The following BLOC1S5 variants were observed in gnomAD, a reference collection of about 807,000 sequenced individuals.
BLOC1S5 encodes the protein biogenesis of lysosomal organelles complex 1 subunit 5.
A neutral mutation model predicts 24.3 loss-of-function variants in BLOC1S5; 27 were observed. The observed-to-expected ratio is 1.11, with a 90% confidence interval of 0.82 to 1.53. The LOEUF is 1.53. BLOC1S5 is among the 40% of genes most tolerant of loss of function. The pLI is 0.00. For synonymous variants in BLOC1S5, 84 were observed against 74.5 expected (o/e 1.13, Z -0.66); for missense variants, 239 against 229.4 (o/e 1.04, Z -0.27).
At chr6:8,059,907 G>GT (rs1764456178) in intron 2 of BLOC1S5, among the ~76,000 whole-genome samples, 1 of 152,184 alleles carries the variant, frequency 6.6e-6, no homozygotes, top group Non-Finnish European at 1.5e-5. Context: ...TCAAAGCACC[G>GT]TAAGAACGAA....
At chr6:8,035,167 A>G (rs1051642888) in intron 3 of BLOC1S5, among the ~76,000 whole-genome samples, 2 of 152,066 alleles carry the variant, frequency 1.3e-5, no homozygotes, top group Non-Finnish European at 2.9e-5. Context: ...CATAATAATA[A>G]TACAGTGAAC....
chr6:8,058,916 A>G (rs955816056), intron 2 of BLOC1S5, among the ~76,000 whole-genome samples: 5 of 152,246 alleles, frequency 3.3e-5, no homozygotes, highest in African/African-American at 1.2e-4. Context: ...ACTGATATAC[A>G]TAGGTATTCA....
intron 2 of BLOC1S5, among the ~76,000 whole-genome samples, chr6:8,050,132 T>C (rs1305394322): frequency 1.3e-5 from 2 of 152,358 alleles, no homozygotes; most frequent in African/African-American, 4.8e-5. Flanking sequence ...ATTGGTGCCA[T>C]ATTTCCATCA....
In BLOC1S5 at chr6:8,022,583, TTTTTTTTTC is replaced by T. The variant is rs1489324007; in HGVS notation, c.384+3775_384+3783del. Among the ~76,000 whole-genome samples, 15 of 125,180 alleles carry T rather than the reference TTTTTTTTTC, an allele frequency of 1.2e-4. 2 individuals carry two copies. The East Asian group carries it at 1.9e-3, about 16-fold the overall frequency. The allele number at this position is 125,180 out of a possible 152,430, so 82.1% of individuals were successfully genotyped here. On this transcript the variant is annotated intron_variant, in intron 4 of 4. Transcript: ENST00000397457. ...TTCAAACTCTATTTTTTTTTTCTTTTTTTTTTTTCTTTTTTTTTTGAGACGGAGTCTCGC... is the reference window on the plus strand; with the variant it reads ...TTCAAACTCTATTTTTTTTTTCTTTTTTTTTTTTTTGAGACGGAGTCTCGC...
intron 3 of BLOC1S5, among the ~76,000 whole-genome samples, chr6:8,033,174 A>T (rs1252625317): frequency 6.6e-6 from 1 of 152,200 alleles, no homozygotes; most frequent in Non-Finnish European, 1.5e-5. Context: ...TGCCAAGACA[A>T]TCCTAAGCAA....
intron 3 of BLOC1S5, among the ~76,000 whole-genome samples, chr6:8,038,275 AATAT>A (rs1387554651): frequency 1.3e-5 from 2 of 152,210 alleles, no homozygotes; most frequent in Non-Finnish European, 2.9e-5. Flanking sequence ...TAATAACCAG[AATAT>A]ATAAGGAGCT....
At chr6:8,034,645 T>C (rs1258730100) in intron 3 of BLOC1S5, among the ~76,000 whole-genome samples, 1 of 152,026 alleles carries the variant, frequency 6.6e-6, no homozygotes, top group East Asian at 1.9e-4. Context: ...AAAGAATTGA[T>C]GTTGGTGTGG....
At chr6:8,023,121 C>T (rs114609920) in intron 4 of BLOC1S5, among the ~76,000 whole-genome samples, 99 of 152,214 alleles carry the variant, frequency 6.5e-4, no homozygotes, top group African/African-American at 2.3e-3. Context: ...TCATCTCCAC[C>T]GGTGGCATAT....
intron 4 of BLOC1S5, among the ~76,000 whole-genome samples, chr6:8,024,984 C>T (rs1326454910): frequency 6.6e-6 from 1 of 152,192 alleles, no homozygotes; most frequent in Non-Finnish European, 1.5e-5. Flanking sequence ...TCCTACTATA[C>T]ACAGGGCTAA....
At chr6:8,046,050 T>C (rs1763884211) in intron 2 of BLOC1S5, among the ~76,000 whole-genome samples, 1 of 152,138 alleles carries the variant, frequency 6.6e-6, no homozygotes, top group Non-Finnish European at 1.5e-5. Context: ...CACCCAAATC[T>C]CAACTTGAAT....
chr6:8,027,607 G>A (rs935606977), intron 3 of BLOC1S5, among the ~76,000 whole-genome samples: 3 of 152,194 alleles, frequency 2.0e-5, no homozygotes, highest in African/African-American at 7.2e-5. Flanking sequence ...GCCGTGGCGG[G>A]CAGATCACCT....
At chr6:8,044,682 T>C (rs1377388113) in intron 2 of BLOC1S5, among the ~76,000 whole-genome samples, 3 of 152,200 alleles carry the variant, frequency 2.0e-5, no homozygotes, top group Admixed American at 1.3e-4. Flanking sequence ...AGGAACTTGT[T>C]GGGAACTGGA....
intron 3 of BLOC1S5, among the ~76,000 whole-genome samples, chr6:8,040,671 C>G (rs1763646536): frequency 6.6e-6 from 1 of 152,146 alleles, no homozygotes; most frequent in African/African-American, 2.4e-5. Context: ...CCTTGGCCAA[C>G]ATGGTGAAAC....
intron 4 of BLOC1S5, 100 bp from the exon 5 acceptor site, chr6:8,015,928 T>C: frequency 9.1e-7 from 1 of 1,097,498 alleles, no homozygotes; most frequent in Non-Finnish European, 1.3e-6. Flanking sequence ...AGCTGGTAAG[T>C]CACAAGGAAA....
At chr6:8,054,630 C>A (rs536957907) in intron 2 of BLOC1S5, among the ~76,000 whole-genome samples, 1 of 152,212 alleles carries the variant, frequency 6.6e-6, no homozygotes, top group African/African-American at 2.4e-5. Context: ...TTAACAACTG[C>A]GTTTTCTTGC....
At chr6:8,022,592 C>CTTTTTTTTTTT (rs58841716) in intron 4 of BLOC1S5, among the ~76,000 whole-genome samples, 1 of 92,152 alleles carries the variant, frequency 1.1e-5, no homozygotes, top group Non-Finnish European at 2.0e-5. Context: ...TTTTTTTTTT[C>CTTTTTTTTTTT]TTTTTTTTTT....
intron 2 of BLOC1S5, among the ~76,000 whole-genome samples, chr6:8,045,825 T>C (rs533780745): frequency 6.6e-6 from 1 of 152,346 alleles, no homozygotes; most frequent in Non-Finnish European, 1.5e-5. Flanking sequence ...CCATTGTATC[T>C]AGGAAGTAAC....
chr6:8,059,880 A>G lies in BLOC1S5; in HGVS notation c.195+2654T>C, dbSNP rs183364628. Among the ~76,000 whole-genome samples the G allele has an allele frequency of 7.9e-5, 12 of 152,370 alleles. No individual in the cohort carries two copies. The East Asian group carries it at 1.3e-3, about 17-fold the overall frequency. On this transcript the variant is annotated intron_variant, in intron 2 of 4. Transcript: ENST00000397457. ...TGAGCCCTTCAGAGACCATTCTTCA[A>G]TAATAAAGACCATTCTTCAAAGCAC...
At chr6:8,054,307 C>T in intron 2 of BLOC1S5, 1 of 448,478 alleles carries the variant, frequency 2.2e-6, no homozygotes, top group Non-Finnish European at 4.5e-6. Flanking sequence ...ACTACATCTT[C>T]ACCGTCAGAA....
Sources: allele counts gnomAD v4.1 joint callset (sites outside exome capture counted in the v4.1 genomes callset), GRCh38; gene constraint gnomAD v4.1.1; transcripts MANE v1.5; gene names NCBI Gene and HGNC (gene_info 2026-07-23, HGNC 2026-07-21).